Variants in FMN2 observed in about 807,000 individuals in gnomAD.
FMN2 encodes the protein formin 2, also known as formin-2.
Under a neutral mutation model 142.3 loss-of-function variants are expected in FMN2, and 51 were observed. The observed-to-expected ratio is 0.36, with a 90% CI of 0.29 to 0.45. FMN2 has a LOEUF of 0.45. FMN2 is among the 20% of genes least tolerant of loss of function. FMN2 has a pLI of 1.00. For synonymous variants in FMN2, 882 were observed against 869.8 expected, an observed-to-expected ratio of 1.01 and a Z score of -0.25; for missense variants, 1,936 against 2,122.8, an observed-to-expected ratio of 0.91 and a Z score of 1.73.
chr1:240,458,832 T>G (rs1297168294), intron 16 of FMN2: 1 of 152,154 alleles, frequency 6.6e-6, no homozygotes, highest in Non-Finnish European at 1.5e-5. Flanking sequence ...AACCAGTGAT[T>G]GTTGTTTTAC....
chr1:240,394,793 C>A (rs1277139135), intron 15 of FMN2, among the ~76,000 whole-genome samples: 2 of 151,992 alleles, frequency 1.3e-5, no homozygotes, highest in East Asian at 3.9e-4. Context: ...CACGGTGAAA[C>A]CCCGTCTCTA....
chr1:240,178,690 T>A (rs930603727), intron 3 of FMN2, among the ~76,000 whole-genome samples: 2 of 152,130 alleles, frequency 1.3e-5, no homozygotes, highest in Admixed American at 6.6e-5. Context: ...TACCTCGGTC[T>A]CCTAAAGTGC....
At position 240,329,136 on chromosome 1, in the gene FMN2, G is replaced by A; in HGVS notation, c.4276G>A (p.Glu1426Lys). The A allele has an allele frequency of 6.2e-7, 1 of 1,614,110 alleles. No individual in the cohort carries two copies. The highest frequency in any genetic ancestry group is 1.1e-5 in the South Asian group (1 of 91,084). Residue 1426 changes from glutamate to lysine, a missense_variant, in exon 9 of 18, where the codon GAA (glutamate) becomes AAA (lysine). By Grantham distance (56) the Glu-to-Lys change is moderately conservative (BLOSUM62 1). Around this residue, in one of 8 missense-constraint regions of FMN2, gnomAD observed 322 missense variants for 401.6 expected, o/e 0.80. Coordinates refer to ENST00000319653, the MANE Select transcript of FMN2 (RefSeq NM_020066.5). Reference protein sequence around the residue: ...EKHGRSSKDKENAKSLDKPEQ... With the variant: ...EKHGRSSKDKKNAKSLDKPEQ... The stretch of plus-strand genomic sequence containing the variant: ...GCATGGCCGATCTTCCAAAGACAAG[G>A]AAAATGCCAAGTCTCTGGACAAACC...
At chr1:240,357,007 C>T (rs879202809) in intron 14 of FMN2, among the ~76,000 whole-genome samples, 2 of 152,050 alleles carry the variant, frequency 1.3e-5, no homozygotes, top group East Asian at 1.9e-4. Context: ...GATTCTTAAC[C>T]GAAATCATTA....
chr1:240,356,561 T>G (rs982819610), intron 14 of FMN2, among the ~76,000 whole-genome samples: 2 of 152,218 alleles, frequency 1.3e-5, no homozygotes, highest in Admixed American at 6.5e-5. Flanking sequence ...TAAGTCTTGA[T>G]GTTTGAAATC....
chr1:240,213,651 G>A (rs1016450917), intron 6 of FMN2, among the ~76,000 whole-genome samples: 1 of 152,196 alleles, frequency 6.6e-6, no homozygotes, highest in African/African-American at 2.4e-5. Context: ...TTCATTTCCA[G>A]TAAAATTAAT....
intron 2 of FMN2, among the ~76,000 whole-genome samples, chr1:240,168,737 A>G (rs1378090934): frequency 6.6e-6 from 1 of 152,250 alleles, no homozygotes; most frequent in Non-Finnish European, 1.5e-5. Flanking sequence ...TGAAAAGATT[A>G]AAGAAAAGAA....
intron 14 of FMN2, among the ~76,000 whole-genome samples, chr1:240,375,647 A>G (rs1160763347): frequency 6.6e-6 from 1 of 152,194 alleles, no homozygotes; most frequent in Non-Finnish European, 1.5e-5. Flanking sequence ...TCTTAACTCT[A>G]GATTGTCTCT....
intron 14 of FMN2, 119 bp from the exon 15 acceptor site, chr1:240,392,392 G>T: frequency 1.6e-6 from 1 of 642,210 alleles, no homozygotes; most frequent in Non-Finnish European, 2.6e-6. Context: ...TAAGCTTCTG[G>T]TTGTAGTACA....
At chr1:240,365,718 A>G (rs528728736) in intron 14 of FMN2, among the ~76,000 whole-genome samples, 23 of 152,248 alleles carry the variant, frequency 1.5e-4, no homozygotes, top group Middle Eastern at 3.4e-3. Context: ...CTTGTCAACT[A>G]ATTCACTCAT....
chr1:240,349,796 T>C (rs894312919), intron 13 of FMN2, among the ~76,000 whole-genome samples: 5 of 152,234 alleles, frequency 3.3e-5, no homozygotes, highest in African/African-American at 1.2e-4. Flanking sequence ...AAAGTTGAGA[T>C]GATTGGAATT....
chr1:240,264,106 A>T (rs540180148), intron 7 of FMN2, among the ~76,000 whole-genome samples: 7 of 152,314 alleles, frequency 4.6e-5, no homozygotes, highest in Admixed American at 4.6e-4. Context: ...TATTTAAATT[A>T]TATAGTTAAG....
At chr1:240,124,594 T>C (rs1183469045) in intron 2 of FMN2, among the ~76,000 whole-genome samples, 1 of 152,140 alleles carries the variant, frequency 6.6e-6, no homozygotes, top group East Asian at 1.9e-4. Context: ...AGAATTCTCG[T>C]GGATGAAATT....
intron 2 of FMN2, chr1:240,143,621 G>A (rs1053565316): frequency 2.5e-5 from 41 of 1,609,986 alleles, no homozygotes; most frequent in Admixed American, 1.2e-4. Context: ...GCAAAACTGC[G>A]GAATGGCTCT....
chr1:240,204,472 C>T (rs902792876), intron 4 of FMN2, among the ~76,000 whole-genome samples: 1 of 152,098 alleles, frequency 6.6e-6, no homozygotes, highest in African/African-American at 2.4e-5. Context: ...ATTTCTAGAC[C>T]ATGTGCGGTG....
chr1:240,353,336 C>T (rs1045843461), intron 13 of FMN2, among the ~76,000 whole-genome samples: 1 of 152,172 alleles, frequency 6.6e-6, no homozygotes, highest in Non-Finnish European at 1.5e-5. Context: ...CCATATAATG[C>T]AACTAAGATC....
At chr1:240,469,653 C>G (rs747397027) in intron 16 of FMN2, among the ~76,000 whole-genome samples, 1 of 152,170 alleles carries the variant, frequency 6.6e-6, no homozygotes, top group Admixed American at 6.5e-5. Context: ...TAAGATGTGC[C>G]TGTTAAACAA....
At chr1:240,259,740 C>T (rs190378265) in intron 7 of FMN2, among the ~76,000 whole-genome samples, 64 of 152,042 alleles carry the variant, frequency 4.2e-4, no homozygotes, top group African/African-American at 1.3e-3. Context: ...AGACCTCCAG[C>T]GTCATTTTTA....
intron 6 of FMN2, among the ~76,000 whole-genome samples, chr1:240,219,650 A>ATTTTT (rs1558374533): frequency 6.6e-6 from 1 of 151,978 alleles, no homozygotes; most frequent in African/African-American, 2.4e-5. Flanking sequence ...AGGTTTTAAA[A>ATTTTT]TTTTTTGTAT....
Sources: gnomAD v4.1 joint callset for allele counts (sites outside exome capture counted in the v4.1 genomes callset) on GRCh38, gnomAD v4.1.1 for gene constraint, gnomAD v4.1.1 regional missense constraint, MANE v1.5 for transcripts, NCBI Gene and HGNC (gene_info 2026-07-23, HGNC 2026-07-21) for gene names.